HOXA3: variants seen among roughly 807,000 people sequenced by gnomAD.
HOXA3 encodes homeobox protein Hox-A3.
Under a neutral mutation model 30.3 loss-of-function variants are expected in HOXA3, and 8 were observed. The ratio of observed to expected loss-of-function variants is 0.26; its 90% CI spans 0.15 to 0.48. HOXA3 has a LOEUF of 0.48. HOXA3 is among the 20% of genes least tolerant of loss of function. The pLI is 0.99. For synonymous variants in HOXA3, 323 were observed against 273.1 expected, an observed-to-expected ratio of 1.18 and a Z score of -1.80; for missense variants, 653 against 614.4, an observed-to-expected ratio of 1.06 and a Z score of -0.66.
In HOXA3 at chr7:27,108,483, A is replaced by T; in HGVS notation, c.764T>A (p.Met255Lys). Residue 255 changes from methionine (M) to lysine (K), a missense_variant, in exon 6 of 6, where the codon ATG becomes AAG. Coordinates refer to ENST00000612286, the MANE Select transcript of HOXA3 (RefSeq NM_153631.3). The surrounding 1 kb of genome is among the most constrained non-coding windows in gnomAD (Gnocchi z 5.0). ...KYKKDQKGKG[M>K]LTSSGGQSPS... ...AGACTGGCCCCCCGATGACGTTAGC[A>T]TGCCCTTGCCCTTCTGATCCTTTTT... The T allele has an allele frequency of 6.2e-7, 1 of 1,614,116 alleles. No individual in the cohort carries two copies. Among genetic ancestry groups the T allele is most frequent in the Non-Finnish European group, 8.5e-7 (1 of 1,179,976 alleles).
chr7:27,146,120 G>C (rs1192879490), intron 1 of HOXA3, among the ~76,000 whole-genome samples: 1 of 152,190 alleles, frequency 6.6e-6, no homozygotes, highest in Non-Finnish European at 1.5e-5. Flanking sequence ...TAACGACTTG[G>C]GGTGGACATT....
intron 1 of HOXA3, among the ~76,000 whole-genome samples, chr7:27,149,230 T>C (rs1231793559): frequency 9.2e-5 from 14 of 152,234 alleles, no homozygotes; most frequent in Non-Finnish European, 1.6e-4. Context: ...TTTTTACAAC[T>C]GTGTTTGTTG....
chr7:27,116,464 T>C (rs909352790), intron 4 of HOXA3: 2 of 152,398 alleles, frequency 1.3e-5, no homozygotes, highest in African/African-American at 4.8e-5. Context: ...GGGACTAGCC[T>C]TTTTTGATAT....
chr7:27,143,152 G>A (rs765793664), intron 1 of HOXA3: 168 of 1,609,432 alleles, frequency 1.0e-4, no homozygotes, highest in African/African-American at 1.5e-4. Flanking sequence ...TGGCAGGGGC[G>A]TCCTCCTCGG....
chr7:27,131,139 G>T (rs1785547232), intron 2 of HOXA3, among the ~76,000 whole-genome samples: 1 of 152,178 alleles, frequency 6.6e-6, no homozygotes, highest in Admixed American at 6.5e-5. Flanking sequence ...GTCCTCTCGG[G>T]AGCCCTCTGC....
Position 27,130,304 on chromosome 7 carries a change from G to A in HOXA3, c.-389-3234C>T, listed in dbSNP as rs989792732. On this transcript the variant is annotated intron_variant, in intron 2 of 5. Transcript: ENST00000612286. ...GCTGGGGGCACGGCGCGAGGCTGCA[G>A]GGGCGGCGGCAGCTGGGGCTGCAGG... 32 of 1,086,154 alleles carry A rather than the reference G, an allele frequency of 2.9e-5. 1 individual carries two copies. The African/African-American group carries it at 5.1e-4, about 17-fold the overall frequency. The allele number at this position is 1,086,154 out of a possible 1,614,324, so 67.3% of individuals were successfully genotyped here. A position where few individuals can be genotyped will look rare whatever the true frequency, so the allele number is the denominator to read the frequency against.
chr7:27,129,678 CA>C, intron 2 of HOXA3: 1 of 1,203,610 alleles, frequency 8.3e-7, no homozygotes, highest in Non-Finnish European at 1.2e-6. Context: ...TGGACATCAT[CA>C]TTATATAATA....
At chr7:27,115,568 CT>C (rs1215446861) in intron 4 of HOXA3, 8 of 152,282 alleles carry the variant, frequency 5.3e-5, no homozygotes, top group African/African-American at 1.7e-4. Flanking sequence ...AAGGCCAGCT[CT>C]CCGTAAGAAC....
intron 2 of HOXA3, chr7:27,129,956 G>A: frequency 1.3e-6 from 1 of 758,556 alleles, no homozygotes; most frequent in Non-Finnish European, 2.1e-6. Flanking sequence ...GGATCAGGCG[G>A]CTGGCTGGCG....
At chr7:27,136,658 G>A (rs1278218069) in intron 2 of HOXA3, among the ~76,000 whole-genome samples, 1 of 152,162 alleles carries the variant, frequency 6.6e-6, no homozygotes, top group African/African-American at 2.4e-5. Context: ...GGCGTCATTT[G>A]TTAGGCGATG....
chr7:27,127,933 GAAAC>G (rs1050334784), intron 2 of HOXA3, among the ~76,000 whole-genome samples: 17 of 152,262 alleles, frequency 1.1e-4, no homozygotes, highest in African/African-American at 4.1e-4. Context: ...TCAAAAAAGA[GAAAC>G]AAACAAGCAA....
intron 2 of HOXA3, among the ~76,000 whole-genome samples, chr7:27,135,418 G>A (rs1785681350): frequency 6.6e-6 from 1 of 152,062 alleles, no homozygotes; most frequent in Admixed American, 6.5e-5. Flanking sequence ...GCACCAGTAA[G>A]CATTTTGTCA....
Position 27,108,299 on chromosome 7 carries a change from C to A in HOXA3, c.948G>T (p.Leu316=), listed in dbSNP as rs374951049. The change falls in exon 6 of 6, where the codon CTG becomes CTT. Residue 316 remains leucine (L), a synonymous_variant. Coordinates refer to ENST00000612286, the MANE Select transcript of HOXA3 (RefSeq NM_153631.3). This position sits in a 1 kb window ranked among gnomAD's most constrained non-coding sequence, Gnocchi z 5.0. ...GLPPASYPAS[L]PSCAPPPPPQ... The stretch of plus-strand genomic sequence containing the variant: ...GGGGTGGCGGGGGTGCGCAGCTGGG[C>A]AGGGACGCAGGGTAGGAGGCGGGGG... 9 of 1,520,834 alleles carry A rather than the reference C, an allele frequency of 5.9e-6. No individual in the cohort carries two copies. The highest frequency in any genetic ancestry group is 7.1e-6 in the Non-Finnish European group (8 of 1,134,724). The allele number at this position is 1,520,834 out of a possible 1,614,324, so 94.2% of individuals were successfully genotyped here.
At chr7:27,112,185 A>C (rs1045578983) in intron 4 of HOXA3, among the ~76,000 whole-genome samples, 1 of 152,210 alleles carries the variant, frequency 6.6e-6, no homozygotes, top group African/African-American at 2.4e-5. Flanking sequence ...ATATTCACCC[A>C]CACACACACT....
At chr7:27,149,903 T>G (rs1782911166) in intron 1 of HOXA3, 1 of 152,220 alleles carries the variant, frequency 6.6e-6, no homozygotes, top group Admixed American at 6.5e-5. Flanking sequence ...CATTTATGAT[T>G]TCCTTTTCAT....
intron 5 of HOXA3, 77 bp downstream of exon 5, chr7:27,110,038 G>T (rs1784271332): frequency 1.3e-6 from 2 of 1,541,734 alleles, no homozygotes; most frequent in African/African-American, 1.4e-5. Context: ...CTCCTAGGCT[G>T]TGCTGGATGT....
At chr7:27,138,994 C>G (rs1405749500) in intron 2 of HOXA3, among the ~76,000 whole-genome samples, 1 of 152,164 alleles carries the variant, frequency 6.6e-6, no homozygotes, top group Non-Finnish European at 1.5e-5. Flanking sequence ...GAGAATTCGC[C>G]TGTATGTTGA....
chr7:27,126,285 A>G (rs1031434426), intron 3 of HOXA3, among the ~76,000 whole-genome samples: 4 of 152,176 alleles, frequency 2.6e-5, no homozygotes, highest in African/African-American at 4.8e-5. Context: ...GTCATGCACA[A>G]CTTGGCTCTG....
In HOXA3 at chr7:27,108,324, G is replaced by A. The variant is rs781736448; in HGVS notation, c.923C>T (p.Pro308Leu). ...SKPPQGTYGL[P>L]PASYPASLPS... Reference sequence around the variant, plus strand: ...CAGGGACGCAGGGTAGGAGGCGGGGGGCAGCCCGTAGGTACCCTGGGGGGG... The same window carrying A: ...CAGGGACGCAGGGTAGGAGGCGGGGAGCAGCCCGTAGGTACCCTGGGGGGG... The change falls in exon 6 of 6, where the codon CCC becomes CTC. Residue 308 changes from proline (P) to leucine (L), a missense_variant. Coordinates refer to ENST00000612286, the MANE Select transcript of HOXA3 (RefSeq NM_153631.3). The surrounding 1 kb of genome is among the most constrained non-coding windows in gnomAD (Gnocchi z 5.0). 4 of 1,517,300 alleles carry A rather than the reference G, an allele frequency of 2.6e-6. No homozygotes were observed. Among genetic ancestry groups the A allele is most frequent in the Admixed American group, 3.8e-5 (2 of 52,348 alleles). The allele number at this position is 1,517,300 out of a possible 1,614,324, so 94.0% of individuals were successfully genotyped here.
Sources: allele counts gnomAD v4.1 joint callset (sites outside exome capture counted in the v4.1 genomes callset), GRCh38; gene constraint gnomAD v4.1.1; non-coding constraint Gnocchi (gnomAD v3.1); transcripts MANE v1.5; gene names NCBI Gene and HGNC (gene_info 2026-07-23, HGNC 2026-07-21).